Variants in PTPRD observed in about 807,000 individuals in gnomAD.
PTPRD encodes receptor-type tyrosine-protein phosphatase delta.
PTPRD carries 34 observed loss-of-function variants against 214.5 expected under a neutral mutation model. That is an observed-to-expected ratio of 0.16 (90% CI 0.12 to 0.21). The LOEUF is 0.21. Among genes scored for constraint, PTPRD ranks in the 10% least tolerant of loss-of-function variants. The pLI, the probability that PTPRD is intolerant of heterozygous loss-of-function variation, is 1.00. For synonymous variants in PTPRD, 1,128 were observed against 845.7 expected, an observed-to-expected ratio of 1.33 and a Z score of -5.79; for missense variants, 2,545 against 2,398.7, an observed-to-expected ratio of 1.06 and a Z score of -1.27.
intron 10 of PTPRD, among the ~76,000 whole-genome samples, chr9:9,149,447 A>G (rs946992080): frequency 6.6e-6 from 1 of 152,182 alleles, no homozygotes; most frequent in Non-Finnish European, 1.5e-5. Flanking sequence ...CAGATTATTC[A>G]CTAGACTTGC....
intron 12 of PTPRD, among the ~76,000 whole-genome samples, chr9:8,715,128 C>T (rs1309237813): frequency 1.3e-5 from 2 of 150,350 alleles, no homozygotes; most frequent in Admixed American, 6.6e-5. Context: ...CACAAAAGAT[C>T]TATGAAAAAA....
chr9:8,790,994 C>T (rs999314634), intron 11 of PTPRD, among the ~76,000 whole-genome samples: 27 of 152,114 alleles, frequency 1.8e-4, no homozygotes, highest in African/African-American at 6.3e-4. Context: ...TGATAGTAGG[C>T]AGTGCTGCTA....
chr9:10,534,686 G>A (rs972315004), intron 2 of PTPRD, among the ~76,000 whole-genome samples: 5 of 151,894 alleles, frequency 3.3e-5, no homozygotes, highest in East Asian at 3.9e-4. Context: ...GGTTTCCAAC[G>A]GCAAATGCTA....
intron 9 of PTPRD, among the ~76,000 whole-genome samples, chr9:9,310,293 G>A (rs1473119692): frequency 6.6e-6 from 1 of 152,110 alleles, no homozygotes; most frequent in African/African-American, 2.4e-5. Flanking sequence ...AAGGCAGCAT[G>A]ATGGAAGACA....
At chr9:8,654,927 T>C (rs946950902) in intron 12 of PTPRD, among the ~76,000 whole-genome samples, 5 of 152,168 alleles carry the variant, frequency 3.3e-5, no homozygotes, top group Admixed American at 6.5e-5. Flanking sequence ...AGACTTTCCC[T>C]GTAGCATCTT....
At chr9:8,765,721 G>T (rs2094687279) in intron 11 of PTPRD, among the ~76,000 whole-genome samples, 1 of 152,152 alleles carries the variant, frequency 6.6e-6, no homozygotes, top group African/African-American at 2.4e-5. Context: ...GTTAAACTTG[G>T]CAGCAGTAGC....
chr9:8,404,380 C>G (rs2092758457), intron 36 of PTPRD, among the ~76,000 whole-genome samples, 157 bp downstream of exon 36: 1 of 152,196 alleles, frequency 6.6e-6, no homozygotes, highest in Non-Finnish European at 1.5e-5. Context: ...CCACCCGCCT[C>G]AGCCTCCCAA....
At chr9:9,031,358 T>C (rs1272505081) in intron 10 of PTPRD, among the ~76,000 whole-genome samples, 9 of 152,046 alleles carry the variant, frequency 5.9e-5, no homozygotes, top group Non-Finnish European at 1.3e-4. Flanking sequence ...GTGAACATCA[T>C]AGAGTGTGCT....
intron 3 of PTPRD, among the ~76,000 whole-genome samples, chr9:10,216,770 G>A (rs1473613199): frequency 3.3e-5 from 5 of 151,970 alleles, no homozygotes; most frequent in East Asian, 3.9e-4. Context: ...CCTGAATCCC[G>A]AAAAGCAGTG....
At chr9:9,060,896 T>C (rs1452257878) in intron 10 of PTPRD, among the ~76,000 whole-genome samples, 1 of 152,188 alleles carries the variant, frequency 6.6e-6, no homozygotes, top group Non-Finnish European at 1.5e-5. Flanking sequence ...TATGATAGAA[T>C]CCTATTCAGC....
At chr9:9,041,371 C>T (rs1273806075) in intron 10 of PTPRD, among the ~76,000 whole-genome samples, 1 of 152,096 alleles carries the variant, frequency 6.6e-6, no homozygotes, top group Non-Finnish European at 1.5e-5. Flanking sequence ...TTTCCACCCT[C>T]CACGCTCTGA....
intron 5 of PTPRD, among the ~76,000 whole-genome samples, chr9:9,873,117 T>A (rs1182035634): frequency 6.6e-6 from 1 of 152,288 alleles, no homozygotes; most frequent in East Asian, 1.9e-4. Context: ...CACATTTCAC[T>A]GAATCTCCTA....
intron 36 of PTPRD, among the ~76,000 whole-genome samples, chr9:8,391,970 T>G (rs542463362): frequency 1.3e-5 from 2 of 150,034 alleles, no homozygotes; most frequent in Admixed American, 6.6e-5. Flanking sequence ...TCTTTTTGTT[T>G]AACAAGGAGG....
intron 9 of PTPRD, among the ~76,000 whole-genome samples, chr9:9,345,175 C>T (rs1330662446): frequency 6.6e-6 from 1 of 152,160 alleles, no homozygotes; most frequent in Non-Finnish European, 1.5e-5. Context: ...ACCATATTCA[C>T]ACATTCTTTC....
At chr9:10,350,795 C>A (rs181979638) in intron 2 of PTPRD, among the ~76,000 whole-genome samples, 10 of 152,264 alleles carry the variant, frequency 6.6e-5, no homozygotes, top group Admixed American at 6.5e-4. Flanking sequence ...TAATGGTCAT[C>A]GTGCACTTAG....
chr9:9,981,527 T>C (rs2095543287), intron 4 of PTPRD, among the ~76,000 whole-genome samples: 1 of 62,354 alleles, frequency 1.6e-5, no homozygotes, highest in Admixed American at 1.6e-4. Context: ...GCTAATTTTT[T>C]TTTGTATTTT....
At chr9:9,368,416 T>C (rs1022488319) in intron 9 of PTPRD, among the ~76,000 whole-genome samples, 1 of 151,820 alleles carries the variant, frequency 6.6e-6, no homozygotes, top group African/African-American at 2.4e-5. Flanking sequence ...TACATTTGCA[T>C]CCTTTCATCT....
intron 11 of PTPRD, among the ~76,000 whole-genome samples, chr9:8,898,661 A>C (rs2098640321): frequency 6.6e-6 from 1 of 152,178 alleles, no homozygotes; most frequent in Non-Finnish European, 1.5e-5. Context: ...AAGACTTGGC[A>C]CGAATAAGAT....
chr9:8,820,451 C>G (rs1370111565), intron 11 of PTPRD, among the ~76,000 whole-genome samples: 2 of 151,848 alleles, frequency 1.3e-5, no homozygotes, highest in Non-Finnish European at 2.9e-5. Context: ...TTTAATAAAG[C>G]CTGATCATAT....
Sources: allele counts gnomAD v4.1 joint callset (sites outside exome capture counted in the v4.1 genomes callset), GRCh38; gene constraint gnomAD v4.1.1; transcripts MANE v1.5; gene names NCBI Gene and HGNC (gene_info 2026-07-23, HGNC 2026-07-21).